The following LRFN2 variants were observed in gnomAD, a reference collection of about 807,000 sequenced individuals.
LRFN2 encodes leucine rich repeat and fibronectin type III domain containing 2.
Under a neutral mutation model 37.3 loss-of-function variants are expected in LRFN2, and 18 were observed. That is an observed-to-expected ratio of 0.48 (90% CI 0.33 to 0.72). The LOEUF (loss-of-function observed/expected upper bound fraction) is 0.72, where lower values mean the gene tolerates loss of function less well. LRFN2 is among the 30% of genes least tolerant of loss of function. The pLI is 0.02. For synonymous variants in LRFN2, 556 were observed against 466.6 expected, an observed-to-expected ratio of 1.19 and a Z score of -2.47; for missense variants, 1,006 against 1,060.7, an observed-to-expected ratio of 0.95 and a Z score of 0.72.
intron 1 of LRFN2, among the ~76,000 whole-genome samples, chr6:40,460,044 A>T (rs575601057): frequency 6.6e-6 from 1 of 152,320 alleles, no homozygotes; most frequent in East Asian, 1.9e-4. Context: ...GTGCCCATGA[A>T]GCTGGGCTCA....
chr6:40,475,809 C>T (rs1245304786), intron 1 of LRFN2, among the ~76,000 whole-genome samples: 2 of 152,126 alleles, frequency 1.3e-5, no homozygotes, highest in Non-Finnish European at 2.9e-5. Flanking sequence ...TGGGTCTACC[C>T]TTCCCAGGTT....
rs150626903 is a variant in LRFN2, at chr6:40,550,604, G to A, written c.-19+36337C>T. On this transcript the variant is annotated intron_variant, in intron 1 of 2. Transcript: ENST00000338305. The stretch of plus-strand genomic sequence containing the variant: ...GCATGCACTGCCAGAAGAAGGTACC[G>A]GGGACCACAGACCAGTGGCCACAAT... Among the ~76,000 whole-genome samples the A allele has an allele frequency of 1.4e-4, 22 of 152,284 alleles. No individual in the cohort carries two copies. The East Asian group carries it at 3.5e-3, about 24-fold the overall frequency.
intron 1 of LRFN2, among the ~76,000 whole-genome samples, chr6:40,569,511 A>T (rs909049435): frequency 3.3e-5 from 5 of 152,204 alleles, no homozygotes; most frequent in African/African-American, 1.2e-4. Context: ...TATGGGGTTT[A>T]TATCAGCCCA....
intron 1 of LRFN2, among the ~76,000 whole-genome samples, chr6:40,583,398 G>A (rs1396451712): frequency 2.0e-5 from 3 of 152,062 alleles, no homozygotes; most frequent in Non-Finnish European, 2.9e-5. Context: ...GTTTCTGCAG[G>A]TTCTTAACAC....
At chr6:40,508,885 A>T (rs981155292) in intron 1 of LRFN2, among the ~76,000 whole-genome samples, 1 of 152,218 alleles carries the variant, frequency 6.6e-6, no homozygotes. Context: ...TGGATATGCC[A>T]TGGGCCCTCT....
rs76237356 is a variant in LRFN2, at chr6:40,437,711, C to A, written c.-18-4580G>T. Among the ~76,000 whole-genome samples the A allele has an allele frequency of 1.2e-4, 18 of 152,208 alleles. No homozygotes were observed. The East Asian group carries it at 3.3e-3, about 28-fold the overall frequency. Reference sequence around the variant, plus strand: ...CTTAAATCCCAAGTTGGGAGGGAGACAAGGGGACTGGATGAATATGTGTAA... The same window carrying A: ...CTTAAATCCCAAGTTGGGAGGGAGAAAAGGGGACTGGATGAATATGTGTAA... On this transcript the variant is annotated intron_variant, in intron 1 of 2. Coordinates refer to ENST00000338305, the MANE Select transcript of LRFN2 (RefSeq NM_020737.3).
In LRFN2 at chr6:40,431,902, C is replaced by T; in HGVS notation, c.1212G>A (p.Lys404=). 6.2e-7 allele frequency: 1 copy of T among 1,611,814 alleles called. No individual in the cohort carries two copies. Among genetic ancestry groups the T allele is most frequent in the South Asian group, 1.1e-5 (1 of 90,806 alleles). Residue 404 remains lysine (K), a synonymous_variant, in exon 2 of 3, where the codon AAG becomes AAA. Transcript: ENST00000338305. ...CACTGCCTCCACCTCCCCGGCTGGTCTTGCTGGAGCCAGTGATGTCTGAGA... is the reference window on the plus strand; with the variant it reads ...CACTGCCTCCACCTCCCCGGCTGGTTTTGCTGGAGCCAGTGATGTCTGAGA... ...SRLSDITGSS[K]TSRGGGGSGG...
At chr6:40,426,884 C>T (rs1357119551) in intron 2 of LRFN2, among the ~76,000 whole-genome samples, 1 of 152,156 alleles carries the variant, frequency 6.6e-6, no homozygotes, top group African/African-American at 2.4e-5. Context: ...CTCTGACCAG[C>T]TAGAATGACT....
chr6:40,479,961 G>A (rs1254015891), intron 1 of LRFN2, among the ~76,000 whole-genome samples: 3 of 152,250 alleles, frequency 2.0e-5, no homozygotes, highest in Non-Finnish European at 4.4e-5. Flanking sequence ...AAATGTCAAG[G>A]ATTCCTGAGA....
At chr6:40,395,792 G>T (rs1306628713) in intron 2 of LRFN2, among the ~76,000 whole-genome samples, 7 of 152,206 alleles carry the variant, frequency 4.6e-5, no homozygotes, top group Admixed American at 4.6e-4. Context: ...TGGCAGAGCT[G>T]GGATTAAATC....
chr6:40,427,693 G>A (rs1426763548), intron 2 of LRFN2, among the ~76,000 whole-genome samples: 1 of 152,156 alleles, frequency 6.6e-6, no homozygotes, highest in African/African-American at 2.4e-5. Flanking sequence ...AGTTGTATAG[G>A]GACTCCATGT....
chr6:40,572,300 T>C (rs1767203233), intron 1 of LRFN2, among the ~76,000 whole-genome samples: 1 of 152,192 alleles, frequency 6.6e-6, no homozygotes, highest in Non-Finnish European at 1.5e-5. Flanking sequence ...TAGTAAGTGC[T>C]TACTTAGTAT....
At position 40,415,177 on chromosome 6, in the gene LRFN2, C is replaced by T. The variant is rs184889121; in HGVS notation, c.1400+16537G>A. On this transcript the variant is annotated intron_variant, in intron 2 of 2. Transcript: ENST00000338305. ...GTCTTTCCCCGCAATGCCTCCTGTG[C>T]CTCCTCGCTGATTGAGCTCCTACTT... is the stretch of plus-strand genomic sequence containing the variant. Among the ~76,000 whole-genome samples, 23 of 152,230 alleles carry T rather than the reference C, an allele frequency of 1.5e-4. No homozygotes were observed. In the East Asian group the frequency reaches 3.3e-3, roughly 22 times the overall value.
chr6:40,529,155 T>C (rs1218930113), intron 1 of LRFN2, among the ~76,000 whole-genome samples: 4 of 152,100 alleles, frequency 2.6e-5, no homozygotes, highest in Non-Finnish European at 5.9e-5. Context: ...AGGAAATAAT[T>C]TGAGGTATCT....
At chr6:40,413,734 C>T (rs1465815669) in intron 2 of LRFN2, among the ~76,000 whole-genome samples, 10 of 152,256 alleles carry the variant, frequency 6.6e-5, no homozygotes, top group East Asian at 5.8e-4. Context: ...TCAAAGCAGC[C>T]GTGGCTTTAT....
intron 1 of LRFN2, among the ~76,000 whole-genome samples, chr6:40,523,574 C>T (rs1766154465): frequency 6.8e-6 from 1 of 146,852 alleles, no homozygotes; most frequent in African/African-American, 2.5e-5. Context: ...AAGACTTTAC[C>T]ACAGAGGCTA....
At chr6:40,516,660 G>A (rs1295875485) in intron 1 of LRFN2, among the ~76,000 whole-genome samples, 1 of 152,062 alleles carries the variant, frequency 6.6e-6, no homozygotes, top group Non-Finnish European at 1.5e-5. Context: ...CCACCTCCCT[G>A]ACCTCATTCC....
chr6:40,517,699 G>A (rs1765923955), intron 1 of LRFN2, among the ~76,000 whole-genome samples: 1 of 152,156 alleles, frequency 6.6e-6, no homozygotes, highest in Non-Finnish European at 1.5e-5. Context: ...GTATCAGTCT[G>A]TGCAAAGCCT....
rs992439973 is a variant in LRFN2, at chr6:40,391,781, T to C, written c.*162A>G. 4.9e-6 allele frequency: 3 copies of C among 606,222 alleles called. No homozygotes were observed. The highest frequency in any genetic ancestry group is 7.7e-6 in the Non-Finnish European group (3 of 388,256). The allele number at this position is 606,222 out of a possible 1,614,324, so 37.6% of individuals were successfully genotyped here. A position where few individuals can be genotyped will look rare whatever the true frequency, so the allele number is the denominator to read the frequency against. On this transcript the variant is annotated 3_prime_UTR_variant, in exon 3 of 3. Transcript: ENST00000338305. ...CCCCGGCCGGGTGGTGGGGAGGTGA[T>C]GTGGGTGTTGCGGGGTAGGGGGGGA... is the stretch of plus-strand genomic sequence containing the variant.
Sources: allele counts gnomAD v4.1 joint callset (sites outside exome capture counted in the v4.1 genomes callset), GRCh38; gene constraint gnomAD v4.1.1; transcripts MANE v1.5; gene names NCBI Gene and HGNC (gene_info 2026-07-23, HGNC 2026-07-21).